The following CREBBP variants were observed in gnomAD, a reference collection of about 807,000 sequenced individuals.
CREBBP encodes the protein CREB-binding protein.
Under a neutral mutation model 265.0 loss-of-function variants are expected in CREBBP, and 19 were observed. The ratio of observed to expected loss-of-function variants is 0.07; its 90% CI spans 0.05 to 0.11. The LOEUF (loss-of-function observed/expected upper bound fraction) is 0.11. Among genes scored for constraint, CREBBP ranks in the 10% least tolerant of loss-of-function variants. The pLI is 1.00. For missense variants in CREBBP, 2,525 were observed against 3,219.0 expected, an observed-to-expected ratio of 0.78 and a Z score of 5.22; for synonymous variants, 1,457 against 1,223.7, an observed-to-expected ratio of 1.19 and a Z score of -3.98.
At chr16:3,745,216 G>T in intron 22 of CREBBP, 61 bp downstream of exon 22, 1 of 1,467,186 alleles carries the variant, frequency 6.8e-7, no homozygotes, top group Non-Finnish European at 9.5e-7. Context: ...AGTAGCCACT[G>T]CAACTGCCCC....
At chr16:3,764,881 C>G (rs1018135211) in intron 16 of CREBBP, among the ~76,000 whole-genome samples, 1 of 152,118 alleles carries the variant, frequency 6.6e-6, no homozygotes, top group Non-Finnish European at 1.5e-5. Flanking sequence ...CCACACCTGG[C>G]TGAAAAAATA....
intron 16 of CREBBP, among the ~76,000 whole-genome samples, chr16:3,760,368 G>C (rs532028020): frequency 6.8e-6 from 1 of 147,490 alleles, no homozygotes; most frequent in Non-Finnish European, 1.5e-5. Flanking sequence ...CTGAGATTAC[G>C]GGCACTAAGC....
chr16:3,763,192 G>C (rs1181134290), intron 16 of CREBBP, among the ~76,000 whole-genome samples: 2 of 149,502 alleles, frequency 1.3e-5, no homozygotes, highest in Non-Finnish European at 3.0e-5. Flanking sequence ...TTTGAGACGA[G>C]GTCTTCTGGA....
chr16:3,798,734 G>C (rs997091408), intron 3 of CREBBP, among the ~76,000 whole-genome samples: 2 of 152,192 alleles, frequency 1.3e-5, no homozygotes, highest in Admixed American at 1.3e-4. Context: ...ATTGGTGTGG[G>C]AATGTAGAAG....
intron 5 of CREBBP, among the ~76,000 whole-genome samples, chr16:3,785,280 A>G (rs2053359388): frequency 6.6e-6 from 1 of 152,214 alleles, no homozygotes; most frequent in Admixed American, 6.5e-5. Flanking sequence ...GTCTTTAGAC[A>G]CTGACCCTTC....
In CREBBP at chr16:3,780,840, C is replaced by A. The variant is rs2141245698; in HGVS notation, c.1715G>T (p.Gly572Val). 6.2e-7 allele frequency: 1 copy of A among 1,613,698 alleles called. No individual in the cohort carries two copies. The change falls in exon 8 of 31, where the codon GGA becomes GTA. Residue 572 changes from glycine (G) to valine (V), a missense_variant. This residue lies in a region of CREBBP where 144 missense variants were observed against 134.0 expected (regional missense o/e 1.07). Transcript: ENST00000262367. ...MNDGSNSGNI[G>V]TLSTIPTAAP... ...TGCTGTTGGTATAGTGCTGAGGGTT[C>A]CAATGTTACCAGAGTTGGAGCCATC...
Position 3,731,156 on chromosome 16 carries a change from G to A in CREBBP, c.5172+36C>T, listed in dbSNP as rs2051903666. 2 of 1,599,166 alleles carry A rather than the reference G, an allele frequency of 1.3e-6. No individual in the cohort carries two copies. Among genetic ancestry groups the A allele is most frequent in the African/African-American group, 2.7e-5 (2 of 74,840 alleles). On this transcript the variant is annotated intron_variant, in intron 30 of 30. Coordinates refer to ENST00000262367, the MANE Select transcript of CREBBP (RefSeq NM_004380.3). This position sits in a 1 kb window ranked among gnomAD's most constrained non-coding sequence, Gnocchi z 7.7. ...GACAGGATGCTTCGTCAGACCCCAG[G>A]CCGGCTGTGGGGGTGGGGGTGGGGG...
intron 17 of CREBBP, 121 bp downstream of exon 17, chr16:3,758,733 T>A (rs1567288162): frequency 1.2e-6 from 1 of 828,056 alleles, no homozygotes; most frequent in East Asian, 2.6e-5. Context: ...AACAGTTTTT[T>A]ATATTAGGAG....
chr16:3,772,915 C>CAAAAAAAAAAAAAAAAAA (rs144154476), intron 13 of CREBBP, among the ~76,000 whole-genome samples: 2 of 88,840 alleles, frequency 2.3e-5, no homozygotes, highest in African/African-American at 4.3e-5. Context: ...ACTAAAAATA[C>CAAAAAAAAAAAAAAAAAA]AAAAAAAAAA....
chr16:3,841,701 A>T (rs2054569952), intron 2 of CREBBP, among the ~76,000 whole-genome samples: 2 of 152,196 alleles, frequency 1.3e-5, no homozygotes, highest in South Asian at 4.1e-4. Context: ...AAGGTAGATT[A>T]GTCATTTCTT....
intron 2 of CREBBP, among the ~76,000 whole-genome samples, chr16:3,812,733 G>A (rs934914992): frequency 6.6e-6 from 1 of 152,066 alleles, no homozygotes; most frequent in Non-Finnish European, 1.5e-5. Flanking sequence ...GAGAAACAAC[G>A]ACTAATTAAG....
At chr16:3,783,366 C>T (rs2053317681) in intron 5 of CREBBP, among the ~76,000 whole-genome samples, 1 of 152,202 alleles carries the variant, frequency 6.6e-6, no homozygotes, top group Non-Finnish European at 1.5e-5. Flanking sequence ...TCACTGCTCA[C>T]CTGCACAGGT....
At chr16:3,730,470 G>GC (rs2151314181) in intron 30 of CREBBP, 1 of 158,810 alleles carries the variant, frequency 6.3e-6, no homozygotes, top group South Asian at 1.8e-4. Flanking sequence ...AAAACTGCTC[G>GC]CACCTGGCAA....
intron 16 of CREBBP, chr16:3,761,482 A>G (rs1044180302): frequency 1.4e-5 from 7 of 508,604 alleles, no homozygotes; most frequent in African/African-American, 9.8e-5. Flanking sequence ...GGAAAAACCC[A>G]TGTGTTTAAC....
At chr16:3,855,511 C>T (rs1290310959) in intron 1 of CREBBP, among the ~76,000 whole-genome samples, 1 of 152,160 alleles carries the variant, frequency 6.6e-6, no homozygotes, top group Non-Finnish European at 1.5e-5. Flanking sequence ...GTGATCCGCC[C>T]GCCTAAGCCT....
chr16:3,762,630 G>A (rs937551258), intron 16 of CREBBP, among the ~76,000 whole-genome samples: 4 of 152,106 alleles, frequency 2.6e-5, no homozygotes, highest in East Asian at 1.9e-4. Flanking sequence ...CTGTTGCAGC[G>A]CACCAGCATC....
intron 21 of CREBBP, among the ~76,000 whole-genome samples, chr16:3,748,845 G>A (rs1213245236): frequency 3.3e-5 from 5 of 152,236 alleles, no homozygotes; most frequent in Middle Eastern, 3.4e-3. Context: ...ACTCATCACT[G>A]TAGAAAAGTG....
chr16:3,844,132 A>C (rs1267840967), intron 2 of CREBBP, among the ~76,000 whole-genome samples: 6 of 128,664 alleles, frequency 4.7e-5, no homozygotes, highest in Non-Finnish European at 7.9e-5. Context: ...TGGGCGACAG[A>C]GCGAGACTCC....
At chr16:3,852,157 G>GC (rs1745428503) in intron 1 of CREBBP, among the ~76,000 whole-genome samples, 4 of 50,880 alleles carry the variant, frequency 7.9e-5, no homozygotes, top group Admixed American at 5.2e-4. Flanking sequence ...TCTTAAATTT[G>GC]TTTTTTTTTT....
Sources: gnomAD v4.1 joint callset for allele counts (sites outside exome capture counted in the v4.1 genomes callset) on GRCh38, gnomAD v4.1.1 for gene constraint, gnomAD v4.1.1 regional missense constraint, Gnocchi (gnomAD v3.1) non-coding constraint, MANE v1.5 for transcripts, NCBI Gene and HGNC (gene_info 2026-07-23, HGNC 2026-07-21) for gene names.